Variants in ADORA3 observed in about 807,000 individuals in gnomAD.
The protein encoded by ADORA3 is adenosine A3 receptor.
A neutral mutation model predicts 5.7 loss-of-function variants in ADORA3; 3 were observed. The ratio of observed to expected loss-of-function variants is 0.52; its 90% confidence interval spans 0.24 to 1.35. The LOEUF (loss-of-function observed/expected upper bound fraction) is 1.35. ADORA3 is among the 40% of genes most tolerant of loss of function. ADORA3 has a pLI of 0.17. For missense variants in ADORA3, 343 were observed against 389.0 expected (o/e 0.88, Z 0.99); for synonymous variants, 168 against 152.3 (o/e 1.10, Z -0.76).
Position 111,499,978 on chromosome 1 carries a change from T to C in ADORA3, c.929A>G (p.Asp310Gly). 1.9e-6 allele frequency: 3 copies of C among 1,614,130 alleles called. No individual in the cohort carries two copies. The South Asian group carries it at 3.3e-5, about 18-fold the overall frequency. Residue 310 changes from aspartate to glycine, a missense_variant, in exon 2 of 2, where the codon GAC (aspartate) becomes GGC (glycine). Transcript: ENST00000241356. ...CVVCHPSDSLDTSIEKNSE is the reference protein window; with the variant it reads ...CVVCHPSDSLGTSIEKNSE Reference sequence around the variant, plus strand: ...CTCAGAATTCTTCTCAATGCTTGTGTCCAAAGAATCAGAGGGATGGCAGAC... The same window carrying C: ...CTCAGAATTCTTCTCAATGCTTGTGCCCAAAGAATCAGAGGGATGGCAGAC...
chr1:111,500,777 C>G (rs1655135206), intron 1 of ADORA3: 1 of 563,778 alleles, frequency 1.8e-6, no homozygotes, highest in African/African-American at 1.9e-5. Flanking sequence ...GGAGAAAAAT[C>G]CAGGAAACTT....
chr1:111,503,356 T>C lies in ADORA3; in HGVS notation c.-2A>G. On this transcript the variant is annotated 5_prime_UTR_variant, in exon 1 of 2. Transcript: ENST00000241356. ...CAGAGCAGTGCTGTTGTTGGGCATCTTGCCTTCCCAGGGGAACCTCCACAG... is the reference window on the plus strand; with the variant it reads ...CAGAGCAGTGCTGTTGTTGGGCATCCTGCCTTCCCAGGGGAACCTCCACAG... The C allele has an allele frequency of 6.2e-7, 1 of 1,605,450 alleles. No individual in the cohort carries two copies.
rs1655347869 is a variant in ADORA3 at position 111,503,275 on chromosome 1, A to G, written c.80T>C (p.Ile27Thr). 6.2e-7 allele frequency: 1 copy of G among 1,614,208 alleles called. No individual in the cohort carries two copies. Among genetic ancestry groups the G allele is most frequent in the Non-Finnish European group, 8.5e-7 (1 of 1,180,020 alleles). Residue 27 changes from isoleucine to threonine, a missense_variant, in exon 1 of 2, where the codon ATA (isoleucine) becomes ACA (threonine). Transcript: ENST00000241356. ...TMEIFIGLCA[I>T]VGNVLVICVV... Reference sequence around the variant, plus strand: ...GCAGATGACCAGCACGTTGCCCACTATGGCGCAGAGTCCAATGAAAATTTC... The same window carrying G: ...GCAGATGACCAGCACGTTGCCCACTGTGGCGCAGAGTCCAATGAAAATTTC...
chr1:111,499,645 C>T lies in ADORA3; in HGVS notation c.*305G>A. ...TTTTGTCAGTAAGTCAACTAGGCAC[C>T]CTTCAGGCTCCATGACTTATTCTTC... On this transcript the variant is annotated 3_prime_UTR_variant, in exon 2 of 2. Transcript: ENST00000241356. 1 of 1,145,656 alleles carries T rather than the reference C, an allele frequency of 8.7e-7. No homozygotes were observed. The highest frequency in any genetic ancestry group is 1.1e-6 in the Non-Finnish European group (1 of 926,246). The allele number at this position is 1,145,656 out of a possible 1,614,324, so 71.0% of individuals were successfully genotyped here. A position where few individuals can be genotyped will look rare whatever the true frequency, so the allele number is the denominator to read the frequency against.
At position 111,503,254 on chromosome 1, in the gene ADORA3, A is replaced by G; in HGVS notation, c.101T>C (p.Ile34Thr). 6.2e-7 allele frequency: 1 copy of G among 1,614,250 alleles called. No homozygotes were observed. The highest frequency in any genetic ancestry group is 8.5e-7 in the Non-Finnish European group (1 of 1,180,040). Reference protein sequence around the residue: ...LCAIVGNVLVICVVKLNPSLQ... With the variant: ...LCAIVGNVLVTCVVKLNPSLQ... The stretch of plus-strand genomic sequence containing the variant: ...GCTGGGGTTCAGCTTGACCACGCAG[A>G]TGACCAGCACGTTGCCCACTATGGC... Residue 34 changes from isoleucine (I) to threonine (T), a missense_variant, in exon 1 of 2, where the codon ATC becomes ACC. Coordinates refer to ENST00000241356, the MANE Select transcript of ADORA3 (RefSeq NM_000677.4).
At position 111,500,347 on chromosome 1, in the gene ADORA3, A is replaced by G. The variant is rs1370992022; in HGVS notation, c.560T>C (p.Phe187Ser). The G allele has an allele frequency of 1.2e-6, 2 of 1,614,256 alleles. No individual in the cohort carries two copies. The highest frequency in any genetic ancestry group is 4.5e-5 in the East Asian group (2 of 44,890). ...MVYFSFLTWI[F>S]IPLVVMCAIY... ...GGCGCACATGACAACCAGGGGGATGAAAATCCAGGTGAGGAAGCTGAAGTA... is the reference window on the plus strand; with the variant it reads ...GGCGCACATGACAACCAGGGGGATGGAAATCCAGGTGAGGAAGCTGAAGTA... The change falls in exon 2 of 2, where the codon TTC becomes TCC. Residue 187 changes from phenylalanine (F) to serine (S), a missense_variant. Phe to Ser is a radical substitution (Grantham distance 155). Coordinates refer to ENST00000241356, the MANE Select transcript of ADORA3 (RefSeq NM_000677.4).
At position 111,500,102 on chromosome 1, in the gene ADORA3, G is replaced by A. The variant is rs1040252885; in HGVS notation, c.805C>T (p.Leu269=). Residue 269 remains leucine (L), a synonymous_variant, in exon 2 of 2, where the codon CTG becomes TTG. Transcript: ENST00000241356. The part of the protein sequence containing the change: ...VPQLVLYMGI[L]LSHANSMMNP... ...ATCATGGAGTTGGCATGGGACAGCA[G>A]GATGCCCATGTACAGCACAAGCTGT... 1.9e-6 allele frequency: 3 copies of A among 1,614,172 alleles called. No homozygotes were observed. The highest frequency in any genetic ancestry group is 2.5e-6 in the Non-Finnish European group (3 of 1,180,022).
At chr1:111,501,859 C>T (rs1655193379) in intron 1 of ADORA3, among the ~76,000 whole-genome samples, 1 of 151,672 alleles carries the variant, frequency 6.6e-6, no homozygotes, top group Non-Finnish European at 1.5e-5. Flanking sequence ...ACGAGAAACA[C>T]GAGACCAATG....
intron 1 of ADORA3, among the ~76,000 whole-genome samples, chr1:111,501,704 A>T (rs1468613098): frequency 6.6e-6 from 1 of 152,154 alleles, no homozygotes; most frequent in African/African-American, 2.4e-5. Context: ...CATCGTAACC[A>T]CTGTGATACA....
At chr1:111,500,921 CTT>C (rs56907773) in intron 1 of ADORA3, 1,756 of 283,804 alleles carry the variant, frequency 6.2e-3, no homozygotes, top group Non-Finnish European at 7.6e-3. Flanking sequence ...TTTTCTTTTT[CTT>C]TTTTTTTTTA....
Position 111,503,387 on chromosome 1 carries a change from G to A in ADORA3, c.-33C>T, listed in dbSNP as rs1655356442. 6.3e-7 allele frequency: 1 copy of A among 1,575,700 alleles called. No individual in the cohort carries two copies. The highest frequency in any genetic ancestry group is 8.6e-7 in the Non-Finnish European group (1 of 1,157,256). On this transcript the variant is annotated 5_prime_UTR_variant, in exon 1 of 2. Transcript: ENST00000241356. ...TCCCAGGGGAACCTCCACAGGGACA[G>A]GTGAGCCAGCAAGATCCGTCTGTAG...
In ADORA3 at chr1:111,500,263, G is replaced by A; in HGVS notation, c.644C>T (p.Ser215Phe). 8 of 1,614,210 alleles carry A rather than the reference G, an allele frequency of 5.0e-6. No individual in the cohort carries two copies. The highest frequency in any genetic ancestry group is 6.8e-6 in the Non-Finnish European group (8 of 1,180,036). The change falls in exon 2 of 2, where the codon TCC becomes TTC. Residue 215 changes from serine to phenylalanine, a missense_variant. By Grantham distance (155) the Ser-to-Phe change is radical. Transcript: ENST00000241356. Reference protein sequence around the residue: ...RNKLSLNLSNSKETGAFYGRE... With the variant: ...RNKLSLNLSNFKETGAFYGRE... ...TCCATAAAATGCACCTGTCTCTTTG[G>A]AGTTAGATAAGTTCAGACTGAGTTT...
chr1:111,500,248 G>A lies in ADORA3; in HGVS notation c.659C>T (p.Ala220Val), dbSNP rs978199173. The A allele has an allele frequency of 1.9e-6, 3 of 1,614,152 alleles. No homozygotes were observed. Among genetic ancestry groups the A allele is most frequent in the Non-Finnish European group, 1.7e-6 (2 of 1,180,022 alleles). Residue 220 changes from alanine (A) to valine (V), a missense_variant, in exon 2 of 2, where the codon GCA (alanine) becomes GTA (valine). Physicochemically the swap from Ala to Val is moderately conservative, Grantham distance 64 (BLOSUM62 0). Coordinates refer to ENST00000241356, the MANE Select transcript of ADORA3 (RefSeq NM_000677.4). ...LNLSNSKETGAFYGREFKTAK... is the reference protein window; with the variant it reads ...LNLSNSKETGVFYGREFKTAK... The stretch of plus-strand genomic sequence containing the variant: ...CGTCTTGAACTCCCGTCCATAAAAT[G>A]CACCTGTCTCTTTGGAGTTAGATAA...
Position 111,503,625 on chromosome 1 carries a change from A to G in ADORA3, c.-271T>C, listed in dbSNP as rs976066388. The stretch of plus-strand genomic sequence containing the variant: ...TTCCAGAATGCTGTAGGACAGCTCT[A>G]TATGGACTGAATCTGAAAGTGCTGC... On this transcript the variant is annotated 5_prime_UTR_variant, in exon 1 of 2. Transcript: ENST00000241356. 1 of 1,226,086 alleles carries G rather than the reference A, an allele frequency of 8.2e-7. No homozygotes were observed. Among genetic ancestry groups the G allele is most frequent in the South Asian group, 2.2e-5 (1 of 45,976 alleles). The allele number at this position is 1,226,086 out of a possible 1,614,324, so 76.0% of individuals were successfully genotyped here.
rs1655353640 is a variant in ADORA3 at position 111,503,346 on chromosome 1, G to T, written c.9C>A (p.Asn3Lys). Reference sequence around the variant, plus strand: ...TGGCCAATGACAGAGCAGTGCTGTTGTTGGGCATCTTGCCTTCCCAGGGGA... The same window carrying T: ...TGGCCAATGACAGAGCAGTGCTGTTTTTGGGCATCTTGCCTTCCCAGGGGA... MP[N>K]NSTALSLANV... Residue 3 changes from asparagine to lysine, a missense_variant, in exon 1 of 2, where the codon AAC (asparagine) becomes AAA (lysine). By Grantham distance (94) the Asn-to-Lys change is moderately conservative. Transcript: ENST00000241356. 1.9e-6 allele frequency: 3 copies of T among 1,609,072 alleles called. No homozygotes were observed. The highest frequency in any genetic ancestry group is 2.6e-6 in the Non-Finnish European group (3 of 1,176,290).
chr1:111,500,867 A>T, intron 1 of ADORA3: 1 of 464,370 alleles, frequency 2.2e-6, no homozygotes, highest in East Asian at 3.1e-5. Flanking sequence ...TACGTGCTCC[A>T]CTCAGGGCTC....
In ADORA3 at chr1:111,503,059, A is replaced by G. The variant is rs762744302; in HGVS notation, c.296T>C (p.Met99Thr). ...LLLIFTHASI[M>T]SLLAIAVDRY... ...GTCCACAGCGATGGCCAGCAAGGACATGATGGAGGCGTGGGTAAAGATAAG... is the reference window on the plus strand; with the variant it reads ...GTCCACAGCGATGGCCAGCAAGGACGTGATGGAGGCGTGGGTAAAGATAAG... Residue 99 changes from methionine (M) to threonine (T), a missense_variant, in exon 1 of 2, where the codon ATG (methionine) becomes ACG (threonine). Physicochemically the swap from Met to Thr is moderately conservative, Grantham distance 81 (BLOSUM62 -1). Coordinates refer to ENST00000241356, the MANE Select transcript of ADORA3 (RefSeq NM_000677.4). The G allele has an allele frequency of 1.9e-6, 3 of 1,614,236 alleles. No individual in the cohort carries two copies. The highest frequency in any genetic ancestry group is 1.1e-5 in the South Asian group (1 of 91,088).
At position 111,503,601 on chromosome 1, in the gene ADORA3, T is replaced by A. The variant is rs1655367708; in HGVS notation, c.-247A>T. The A allele has an allele frequency of 3.0e-6, 4 of 1,331,062 alleles. No individual in the cohort carries two copies. Among genetic ancestry groups the A allele is most frequent in the Non-Finnish European group, 3.9e-6 (4 of 1,035,224 alleles). The allele number at this position is 1,331,062 out of a possible 1,614,324, so 82.5% of individuals were successfully genotyped here. On this transcript the variant is annotated 5_prime_UTR_variant, in exon 1 of 2. Coordinates refer to ENST00000241356, the MANE Select transcript of ADORA3 (RefSeq NM_000677.4). ...TTTATGCACCGCACATCCTCAAGTT[T>A]CCAGAATGCTGTAGGACAGCTCTAT...
At position 111,502,106 on chromosome 1, in the gene ADORA3, T is replaced by TA. The variant is rs1318902074; in HGVS notation, c.350+898_350+899insT. On this transcript the variant is annotated intron_variant, in intron 1 of 1. Coordinates refer to ENST00000241356, the MANE Select transcript of ADORA3 (RefSeq NM_000677.4). ...ATAAATATATATAGGAGATATATAT[T>TA]TAATATAATAAATATATAGGATATA... 1.6e-3 allele frequency among the ~76,000 whole-genome samples: 44 copies of TA among 28,018 alleles called. 1 individual carries two copies. The highest frequency in any genetic ancestry group is 3.4e-3 in the African/African-American group (41 of 12,206). 18.4% of individuals were successfully genotyped at this position (28,018 alleles called of 152,430 possible).
Sources: gnomAD v4.1 joint callset for allele counts (sites outside exome capture counted in the v4.1 genomes callset) on GRCh38, gnomAD v4.1.1 for gene constraint, MANE v1.5 for transcripts, NCBI Gene and HGNC (gene_info 2026-07-23, HGNC 2026-07-21) for gene names.